Variants in ANKDD1A observed in about 807,000 individuals in gnomAD.
The protein encoded by ANKDD1A is ankyrin repeat and death domain-containing protein 1A.
A neutral mutation model predicts 63.5 loss-of-function variants in ANKDD1A; 59 were observed. The observed-to-expected ratio is 0.93, with a 90% confidence interval of 0.75 to 1.15. The LOEUF (loss-of-function observed/expected upper bound fraction) is 1.15. Ranked by LOEUF, ANKDD1A falls within the 50% of genes most tolerant of loss-of-function variation. ANKDD1A has a pLI of 0.00. For synonymous variants in ANKDD1A, 266 were observed against 263.9 expected (o/e 1.01, Z -0.08); for missense variants, 632 against 656.4 (o/e 0.96, Z 0.41).
At chr15:64,950,101 C>A in intron 14 of ANKDD1A, 129 bp downstream of exon 14, 2 of 1,492,294 alleles carry the variant, frequency 1.3e-6, no homozygotes, top group East Asian at 2.4e-5. Flanking sequence ...AGATTCCTAC[C>A]CCTAGCCCTG....
chr15:64,942,876 G>A (rs1419582051), intron 10 of ANKDD1A, among the ~76,000 whole-genome samples: 1 of 151,962 alleles, frequency 6.6e-6, no homozygotes, highest in East Asian at 1.9e-4. Flanking sequence ...CAGGGCAGGG[G>A]TGACTGAGGC....
chr15:64,935,441 C>T (rs1185675861), intron 9 of ANKDD1A, among the ~76,000 whole-genome samples: 9 of 151,752 alleles, frequency 5.9e-5, no homozygotes, highest in South Asian at 4.2e-4. Context: ...TTTGGGAGGC[C>T]GAGGCGGGCG....
At chr15:64,919,565 G>A (rs2084994004) in intron 3 of ANKDD1A, among the ~76,000 whole-genome samples, 2 of 152,222 alleles carry the variant, frequency 1.3e-5, no homozygotes, top group African/African-American at 4.8e-5. Flanking sequence ...GAACTTAAGT[G>A]CTTGTGGTCC....
intron 14 of ANKDD1A, among the ~76,000 whole-genome samples, chr15:64,955,632 T>A (rs1006939294): frequency 6.6e-6 from 1 of 152,150 alleles, no homozygotes; most frequent in African/African-American, 2.4e-5. Flanking sequence ...TTCTGTCTCA[T>A]TTGAGCTCTC....
intron 13 of ANKDD1A, among the ~76,000 whole-genome samples, chr15:64,949,132 G>A (rs1451917486): frequency 2.6e-5 from 4 of 152,252 alleles, no homozygotes; most frequent in Non-Finnish European, 5.9e-5. Context: ...TGATGGGCGT[G>A]GCCCAGCATC....
At chr15:64,946,184 T>C (rs1232422294) in intron 12 of ANKDD1A, among the ~76,000 whole-genome samples, 1 of 152,190 alleles carries the variant, frequency 6.6e-6, no homozygotes, top group Non-Finnish European at 1.5e-5. Context: ...ATAAACTTAA[T>C]ATAACAGATT....
chr15:64,944,629 C>G, intron 11 of ANKDD1A, 23 bp from the exon 12 acceptor site: 1 of 1,610,642 alleles, frequency 6.2e-7, no homozygotes, highest in Non-Finnish European at 8.5e-7. Context: ...ACTCTGGCTT[C>G]TCTTCTTGCC....
intron 14 of ANKDD1A, among the ~76,000 whole-genome samples, chr15:64,951,720 C>CGTTCTTCCTTTCTTTTCTTTTT (rs1276132353): frequency 4.4e-5 from 6 of 136,252 alleles, no homozygotes; most frequent in South Asian, 2.3e-4. Context: ...TCTTTTTCTT[C>CGTTCTTCCTTTCTTTTCTTTTT]CCTTTTCTTC....
At chr15:64,947,713 A>C (rs2140382535) in intron 13 of ANKDD1A, 120 bp downstream of exon 13, 1 of 1,162,616 alleles carries the variant, frequency 8.6e-7, no homozygotes, top group Non-Finnish European at 1.2e-6. Flanking sequence ...GCCTGGTCCC[A>C]CACTGTCCAA....
Position 64,951,598 on chromosome 15 carries a change from C to T in ANKDD1A, c.1483+1626C>T, listed in dbSNP as rs1223654395. 1.5e-3 allele frequency among the ~76,000 whole-genome samples: 121 copies of T among 83,328 alleles called. 2 individuals are homozygous for T. The highest frequency in any genetic ancestry group is 4.7e-3 in the African/African-American group (113 of 23,810). The allele number at this position is 83,328 out of a possible 152,430, so 54.7% of individuals were successfully genotyped here. A position where few individuals can be genotyped will look rare whatever the true frequency, so the allele number is the denominator to read the frequency against. On this transcript the variant is annotated intron_variant, in intron 14 of 14. Transcript: ENST00000319580. The stretch of plus-strand genomic sequence containing the variant: ...CTTCTTCTTCTTCCTTTTCTTTCTT[C>T]TTTCTTCTTGTTCCTTATTCTTCTT...
chr15:64,956,740 G>C (rs750132922), intron 14 of ANKDD1A, among the ~76,000 whole-genome samples: 7 of 152,086 alleles, frequency 4.6e-5, no homozygotes, highest in Non-Finnish European at 8.8e-5. Flanking sequence ...ATTTTTAGTA[G>C]ACAGGTTTCA....
At position 64,945,634 on chromosome 15, in the gene ANKDD1A, A is replaced by AC. The variant is rs1256858134; in HGVS notation, c.1161+888dup. On this transcript the variant is annotated intron_variant, in intron 12 of 14. Coordinates refer to ENST00000319580, the MANE Select transcript of ANKDD1A (RefSeq NM_182703.6). ...TATATATATATATATATATATATGA[A>AC]CTTTTTTTTTTTTTTTGAGACGGAG... Among the ~76,000 whole-genome samples the AC allele has an allele frequency of 1.6e-4, 4 of 24,622 alleles. No individual in the cohort carries two copies. In the East Asian group the frequency reaches 8.3e-3, roughly 51 times the overall value. The allele number at this position is 24,622 out of a possible 152,430, so 16.2% of individuals were successfully genotyped here. A position where few individuals can be genotyped will look rare whatever the true frequency, so the allele number is the denominator to read the frequency against.
rs2085008440 is a variant in ANKDD1A at position 64,921,818 on chromosome 15, T to C, written c.268-103T>C. On this transcript the variant is annotated intron_variant, in intron 3 of 14. Coordinates refer to ENST00000319580, the MANE Select transcript of ANKDD1A (RefSeq NM_182703.6). ...AGCTCCCTGGATTAAGTGGCACTTATAGTTCCTTCTGGTTGTATGGTTTAG... is the reference window on the plus strand; with the variant it reads ...AGCTCCCTGGATTAAGTGGCACTTACAGTTCCTTCTGGTTGTATGGTTTAG... 6 of 954,342 alleles carry C rather than the reference T, an allele frequency of 6.3e-6. No individual in the cohort carries two copies. In the Admixed American group the frequency reaches 1.0e-4, roughly 16 times the overall value. 59.1% of individuals were successfully genotyped at this position (954,342 alleles called of 1,614,324 possible). A position where few individuals can be genotyped will look rare whatever the true frequency, so the allele number is the denominator to read the frequency against.
intron 9 of ANKDD1A, among the ~76,000 whole-genome samples, chr15:64,936,864 T>C (rs980986505): frequency 2.0e-5 from 3 of 151,960 alleles, no homozygotes; most frequent in African/African-American, 7.3e-5. Context: ...TTTTTAAAAA[T>C]TCCCACAAAT....
In ANKDD1A at chr15:64,947,557, G is replaced by A; in HGVS notation, c.1315G>A (p.Glu439Lys). Residue 439 changes from glutamate to lysine, a missense_variant, in exon 13 of 15, where the codon GAG (glutamate) becomes AAG (lysine). By Grantham distance (56) the Glu-to-Lys change is moderately conservative. Coordinates refer to ENST00000319580, the MANE Select transcript of ANKDD1A (RefSeq NM_182703.6). Reference protein sequence around the residue: ...KKLAYSWEFTEAHVDAIEQQW... With the variant: ...KKLAYSWEFTKAHVDAIEQQW... ...GCTGGCATATTCCTGGGAGTTCACG[G>A]AGGCACATGTCGACGCCATCGAGCA... 1 of 1,614,194 alleles carries A rather than the reference G, an allele frequency of 6.2e-7. No individual in the cohort carries two copies. Among genetic ancestry groups the A allele is most frequent in the Non-Finnish European group, 8.5e-7 (1 of 1,180,018 alleles).
intron 3 of ANKDD1A, among the ~76,000 whole-genome samples, chr15:64,918,821 G>A (rs1200605137): frequency 1.3e-5 from 2 of 152,042 alleles, no homozygotes; most frequent in East Asian, 3.9e-4. Context: ...GGGTGTGGTG[G>A]CACACACCTG....
intron 14 of ANKDD1A, among the ~76,000 whole-genome samples, chr15:64,955,288 C>T (rs1431176555): frequency 3.3e-5 from 5 of 152,268 alleles, no homozygotes; most frequent in East Asian, 3.9e-4. Flanking sequence ...CTCCTGACCT[C>T]GTGATCTTCC....
chr15:64,945,607 C>CTTATATATATATATATATATATATATAT (rs1277861527), intron 12 of ANKDD1A, among the ~76,000 whole-genome samples: 5 of 73,846 alleles, frequency 6.8e-5, no homozygotes, highest in African/African-American at 3.1e-4. Flanking sequence ...GCATTTTCAA[C>CTTATATATATATATATATATATATATAT]ATATATATAT....
chr15:64,915,465 T>C (rs907988016), intron 1 of ANKDD1A, among the ~76,000 whole-genome samples: 1 of 152,168 alleles, frequency 6.6e-6, no homozygotes, highest in Non-Finnish European at 1.5e-5. Context: ...TTTCATTTCC[T>C]TCCCCAAGAG....
Sources: gnomAD v4.1 joint callset for allele counts (sites outside exome capture counted in the v4.1 genomes callset) on GRCh38, gnomAD v4.1.1 for gene constraint, MANE v1.5 for transcripts, NCBI Gene and HGNC (gene_info 2026-07-23, HGNC 2026-07-21) for gene names.